The following MSH4 variants were observed in gnomAD, a reference collection of about 807,000 sequenced individuals.
MSH4 encodes mutS protein homolog 4.
Under a neutral mutation model 113.7 loss-of-function variants are expected in MSH4, and 106 were observed. The observed-to-expected ratio is 0.93, with a 90% CI of 0.80 to 1.10. The LOEUF (loss-of-function observed/expected upper bound fraction) is 1.10, where lower values mean the gene tolerates loss of function less well. Ranked by LOEUF, MSH4 falls within the 50% of genes least tolerant of loss-of-function variation. The pLI is 0.00. For missense variants in MSH4, 1,061 were observed against 1,093.7 expected (o/e 0.97, Z 0.42); for synonymous variants, 368 against 380.2 (o/e 0.97, Z 0.37).
Position 75,797,054 on chromosome 1 carries a change from C to T in MSH4, c.69C>T (p.Thr23=), listed in dbSNP as rs1410666125. The change falls in exon 1 of 20, where the codon ACC becomes ACT. Residue 23 remains threonine, a synonymous_variant. Coordinates refer to ENST00000263187, the MANE Select transcript of MSH4 (RefSeq NM_002440.4). ...CGGTTTCCCCGTCGTCGGGAGAAAC[C>T]CGCTCACCTCAGGGTCCCCGCTACA... is the stretch of plus-strand genomic sequence containing the variant. ...APAVSPSSGE[T]RSPQGPRYNF... The T allele has an allele frequency of 1.9e-6, 3 of 1,613,936 alleles. No individual in the cohort carries two copies. The highest frequency in any genetic ancestry group is 2.2e-5 in the East Asian group (1 of 44,874).
At chr1:75,875,750 C>T (rs529001950) in intron 9 of MSH4, among the ~76,000 whole-genome samples, 11 of 151,996 alleles carry the variant, frequency 7.2e-5, no homozygotes, top group Non-Finnish European at 1.3e-4. Context: ...GGGGTGCTAC[C>T]GTGCTGTTAG....
chr1:75,811,119 G>T (rs1650182090), intron 4 of MSH4, among the ~76,000 whole-genome samples: 3 of 152,034 alleles, frequency 2.0e-5, no homozygotes, highest in Admixed American at 2.0e-4. Context: ...TGATCGATCT[G>T]CCTTGGCCTC....
intron 19 of MSH4, among the ~76,000 whole-genome samples, chr1:75,908,223 G>A (rs139377552): frequency 0.026 from 3,801 of 145,094 alleles, 57 homozygotes; most frequent in African/African-American, 0.029. Flanking sequence ...TCAGCTCACT[G>A]CAACCTCTGC....
At chr1:75,804,739 G>T (rs555502177) in intron 2 of MSH4, among the ~76,000 whole-genome samples, 3 of 150,822 alleles carry the variant, frequency 2.0e-5, no homozygotes, top group African/African-American at 7.3e-5. Flanking sequence ...TCGAACTCCT[G>T]ACCTCATGAT....
intron 1 of MSH4, among the ~76,000 whole-genome samples, chr1:75,802,242 G>A (rs1344886553): frequency 2.6e-5 from 4 of 152,128 alleles, no homozygotes; most frequent in Non-Finnish European, 4.4e-5. Flanking sequence ...AGCTATATAC[G>A]AAGGCTTGAG....
chr1:75,803,849 A>G lies in MSH4; in HGVS notation c.363A>G (p.Pro121=), dbSNP rs1649996539. Reference sequence around the variant, plus strand: ...ATTATCCTCAAACACTTAAAACTCCATTGTCTACTGGAAATCCTCAGAGAT... The same window carrying G: ...ATTATCCTCAAACACTTAAAACTCCGTTGTCTACTGGAAATCCTCAGAGAT... ...DTNYPQTLKT[P]LSTGNPQRSG... The change falls in exon 2 of 20, where the codon CCA becomes CCG. Residue 121 remains proline (P), a synonymous_variant. Transcript: ENST00000263187. 1 of 1,599,858 alleles carries G rather than the reference A, an allele frequency of 6.3e-7. No homozygotes were observed. The highest frequency in any genetic ancestry group is 8.5e-7 in the Non-Finnish European group (1 of 1,173,630).
intron 15 of MSH4, among the ~76,000 whole-genome samples, chr1:75,885,011 ATG>A (rs1652033054): frequency 1.6e-5 from 2 of 128,878 alleles, no homozygotes; most frequent in African/African-American, 3.0e-5. Flanking sequence ...GTGTGTGTGT[ATG>A]TGTGTATATA....
intron 9 of MSH4, among the ~76,000 whole-genome samples, chr1:75,867,967 G>A (rs993951647): frequency 6.6e-6 from 1 of 151,730 alleles, no homozygotes; most frequent in Non-Finnish European, 1.5e-5. Context: ...GTTCTTTATA[G>A]CATTTTTTTC....
intron 2 of MSH4, among the ~76,000 whole-genome samples, chr1:75,804,328 A>G (rs903960161): frequency 2.0e-5 from 3 of 152,074 alleles, no homozygotes; most frequent in African/African-American, 7.2e-5. Flanking sequence ...CAGTTTTCTA[A>G]GGTATATACA....
chr1:75,850,781 A>G (rs1460512035), intron 8 of MSH4, among the ~76,000 whole-genome samples: 1 of 152,096 alleles, frequency 6.6e-6, no homozygotes, highest in Non-Finnish European at 1.5e-5. Context: ...AAGGAGTGTC[A>G]AAATCTCCAA....
chr1:75,876,241 T>C (rs1450395069), intron 9 of MSH4, among the ~76,000 whole-genome samples: 1 of 152,166 alleles, frequency 6.6e-6, no homozygotes, highest in African/African-American at 2.4e-5. Context: ...TTATTTATTT[T>C]AGATACTGAC....
Position 75,878,012 on chromosome 1 carries a change from A to C in MSH4, c.1371-137A>C, listed in dbSNP as rs920540665. 5 of 639,594 alleles carry C rather than the reference A, an allele frequency of 7.8e-6. No individual in the cohort carries two copies. In the African/African-American group the frequency reaches 9.4e-5, roughly 12 times the overall value. 39.6% of individuals were successfully genotyped at this position (639,594 alleles called of 1,614,324 possible). ...CACAGCTCTAACTTAAGTAAATTTA[A>C]ATATTTGTTGCTTAATTAGTTATTT... is the stretch of plus-strand genomic sequence containing the variant. On this transcript the variant is annotated intron_variant, in intron 10 of 19. Transcript: ENST00000263187.
Position 75,912,911 on chromosome 1 carries a change from A to G in MSH4, c.*24A>G. The G allele has an allele frequency of 5.1e-6, 7 of 1,362,656 alleles. No individual in the cohort carries two copies. Among genetic ancestry groups the G allele is most frequent in the Non-Finnish European group, 6.8e-6 (7 of 1,031,978 alleles). The allele number at this position is 1,362,656 out of a possible 1,614,324, so 84.4% of individuals were successfully genotyped here. On this transcript the variant is annotated 3_prime_UTR_variant, in exon 20 of 20. Coordinates refer to ENST00000263187, the MANE Select transcript of MSH4 (RefSeq NM_002440.4). Reference sequence around the variant, plus strand: ...AATCACAATTCTAATGTAATAATATATCTTAATTCAAGGAACCTAGAATTT... The same window carrying G: ...AATCACAATTCTAATGTAATAATATGTCTTAATTCAAGGAACCTAGAATTT...
At chr1:75,828,746 G>A (rs539627054) in intron 7 of MSH4, among the ~76,000 whole-genome samples, 5 of 152,204 alleles carry the variant, frequency 3.3e-5, no homozygotes, top group African/African-American at 9.6e-5. Flanking sequence ...CCAAACTTCA[G>A]CATCAAACAA....
intron 19 of MSH4, among the ~76,000 whole-genome samples, chr1:75,908,666 C>T (rs1337329040): frequency 6.6e-6 from 1 of 152,106 alleles, no homozygotes; most frequent in Non-Finnish European, 1.5e-5. Flanking sequence ...GGATATATAT[C>T]TATGTTTTTG....
Position 75,837,640 on chromosome 1 carries a change from G to A in MSH4, c.1163-10569G>A, listed in dbSNP as rs573285591. Among the ~76,000 whole-genome samples the A allele has an allele frequency of 5.8e-3, 885 of 152,078 alleles. 10 individuals carry two copies. Among genetic ancestry groups the A allele is most frequent in the South Asian group, 9.3e-3 (45 of 4,816 alleles). On this transcript the variant is annotated intron_variant, in intron 7 of 19. Transcript: ENST00000263187. ...TGACCTCAGGTGATCCACCAGCCTC[G>A]GCCTCCCAATGTGCTGGGATTACAG...
chr1:75,842,438 G>A (rs1394004034), intron 7 of MSH4, among the ~76,000 whole-genome samples: 1 of 152,122 alleles, frequency 6.6e-6, no homozygotes, highest in Non-Finnish European at 1.5e-5. Flanking sequence ...GACAGGAGCT[G>A]TTCCAGTATA....
intron 6 of MSH4, among the ~76,000 whole-genome samples, chr1:75,821,368 A>G (rs1385259057): frequency 1.3e-5 from 2 of 152,016 alleles, no homozygotes; most frequent in South Asian, 2.1e-4. Context: ...GAGAACAAAG[A>G]CACAACATAC....
At position 75,912,678 on chromosome 1, in the gene MSH4, T is replaced by A. The variant is rs28693610; in HGVS notation, c.2620-18T>A. ...TATTTGTGTATATATATATATATTT[T>A]TTTTTTTTCAATGACAGCAAAACCA... On this transcript the variant is annotated intron_variant, in intron 19 of 19. Coordinates refer to ENST00000263187, the MANE Select transcript of MSH4 (RefSeq NM_002440.4). The A allele has an allele frequency of 0.34, 427,148 of 1,241,334 alleles. 76,202 individuals are homozygous for A. Among genetic ancestry groups the A allele is most frequent in the East Asian group, 0.51 (16,749 of 32,810 alleles). 76.9% of individuals were successfully genotyped at this position (1,241,334 alleles called of 1,614,324 possible).
Sources: gnomAD v4.1 joint callset for allele counts (sites outside exome capture counted in the v4.1 genomes callset) on GRCh38, gnomAD v4.1.1 for gene constraint, MANE v1.5 for transcripts, NCBI Gene and HGNC (gene_info 2026-07-23, HGNC 2026-07-21) for gene names.